SCARA3: variants seen among roughly 807,000 people sequenced by gnomAD.
The protein encoded by SCARA3 is scavenger receptor class A member 3.
SCARA3 carries 39 observed loss-of-function variants against 47.0 expected under a neutral mutation model. The observed-to-expected ratio is 0.83, with a 90% CI of 0.64 to 1.08. The LOEUF (loss-of-function observed/expected upper bound fraction) is 1.08. Among genes scored for constraint, SCARA3 ranks in the 50% least tolerant of loss-of-function variants. The pLI, the probability that SCARA3 is intolerant of heterozygous loss-of-function variation, is 0.00. For missense variants in SCARA3, 724 were observed against 792.3 expected, an observed-to-expected ratio of 0.91 and a Z score of 1.04; for synonymous variants, 356 against 334.1, an observed-to-expected ratio of 1.07 and a Z score of -0.71.
At chr8:27,656,113 CTCA>C (rs1365458126) in intron 3 of SCARA3, among the ~76,000 whole-genome samples, 1 of 152,178 alleles carries the variant, frequency 6.6e-6, no homozygotes, top group Non-Finnish European at 1.5e-5. Context: ...ATGGTGTCAT[CTCA>C]TGTCAGCACA....
chr8:27,649,831 G>T, intron 2 of SCARA3, 31 bp downstream of exon 2: 1 of 1,563,422 alleles, frequency 6.4e-7, no homozygotes, highest in South Asian at 1.1e-5. Flanking sequence ...CCTGATCTCC[G>T]CTCTGGGCTG....
chr8:27,705,981 C>A, the SCARA3 span, among the ~76,000 whole-genome samples: 1 of 152,028 alleles, frequency 6.6e-6, no homozygotes, highest in Non-Finnish European at 1.5e-5. Context: ...ACAATGTGTG[C>A]ACAGAGCTGG....
chr8:27,712,526 G>C, the SCARA3 span, among the ~76,000 whole-genome samples: 3 of 133,446 alleles, frequency 2.2e-5, no homozygotes, highest in Admixed American at 8.7e-5. Context: ...TCCCGCCACT[G>C]CACTCCAGCC....
Position 27,671,576 on chromosome 8 carries a change from A to G in SCARA3, c.*225A>G, listed in dbSNP as rs1802159160. The G allele has an allele frequency of 4.0e-6, 5 of 1,261,076 alleles. No homozygotes were observed. The highest frequency in any genetic ancestry group is 3.1e-5 in the African/African-American group (2 of 64,578). 78.1% of individuals were successfully genotyped at this position (1,261,076 alleles called of 1,614,324 possible). A position where few individuals can be genotyped will look rare whatever the true frequency, so the allele number is the denominator to read the frequency against. ...CACATGCACACACATGCATGCACAC[A>G]CATGCACACATACACGCACATGCAC... On this transcript the variant is annotated 3_prime_UTR_variant, in exon 6 of 6. Transcript: ENST00000301904.
chr8:27,694,288 C>T, the SCARA3 span, among the ~76,000 whole-genome samples: 1 of 152,130 alleles, frequency 6.6e-6, no homozygotes, highest in African/African-American at 2.4e-5. Flanking sequence ...CTCAGAGTCA[C>T]TGCTTAGCAA....
chr8:27,662,290 C>T (rs541252145), intron 5 of SCARA3, among the ~76,000 whole-genome samples: 1 of 152,336 alleles, frequency 6.6e-6, no homozygotes, highest in East Asian at 1.9e-4. Context: ...CATATACAGC[C>T]TCCTGGAGAA....
the SCARA3 span, among the ~76,000 whole-genome samples, chr8:27,695,549 T>C: frequency 6.6e-6 from 1 of 151,750 alleles, no homozygotes; most frequent in Non-Finnish European, 1.5e-5. Context: ...TCAAGAAAAA[T>C]TTAGGCAATA....
chr8:27,656,786 C>T lies in SCARA3; in HGVS notation c.231C>T (p.Phe77=). The T allele has an allele frequency of 2.5e-6, 4 of 1,604,240 alleles. No homozygotes were observed. Among genetic ancestry groups the T allele is most frequent in the Non-Finnish European group, 2.6e-6 (3 of 1,170,984 alleles). The change falls in exon 4 of 6, where the codon TTC becomes TTT. Residue 77 remains phenylalanine (F), a synonymous_variant. Transcript: ENST00000301904. The stretch of plus-strand genomic sequence containing the variant: ...TCTCATCTGTTTTCCCTACAGTTTT[C>T]AGAAAAGTGGACTCTCTCTCCGAAG... ...VAVAVLASLV[F]RKVDSLSEDI... is the part of the protein sequence containing the mutation.
the SCARA3 span, among the ~76,000 whole-genome samples, chr8:27,698,982 C>T: frequency 2.0e-5 from 3 of 152,024 alleles, no homozygotes; most frequent in Non-Finnish European, 2.9e-5. Flanking sequence ...CAGTGGCTCA[C>T]GCCTGTAATC....
chr8:27,659,015 C>T lies in SCARA3; in HGVS notation c.845C>T (p.Thr282Ile). Reference protein sequence around the residue: ...TGEAVKNIQATLGASSQRISQ... With the variant: ...TGEAVKNIQAILGASSQRISQ... ...GAGGCGGTCAAGAACATCCAGGCCA[C>T]CCTGGGGGCCTCCTCACAGCGCATC... The change falls in exon 5 of 6, where the codon ACC (threonine) becomes ATC (isoleucine). Residue 282 changes from threonine to isoleucine, a missense_variant. Thr to Ile is a moderately conservative substitution (Grantham distance 89). Transcript: ENST00000301904. 5 of 1,614,094 alleles carry T rather than the reference C, an allele frequency of 3.1e-6. No individual in the cohort carries two copies. Among genetic ancestry groups the T allele is most frequent in the Non-Finnish European group, 4.2e-6 (5 of 1,180,014 alleles).
chr8:27,649,814 G>A lies in SCARA3; in HGVS notation c.106+14G>A. On this transcript the variant is annotated intron_variant, in intron 2 of 5. Transcript: ENST00000301904. ...GCACCCAGAAGGGTAAGGACTCTGG[G>A]GCTGCCCCTGATCTCCGCTCTGGGC... 1 of 1,607,078 alleles carries A rather than the reference G, an allele frequency of 6.2e-7. No individual in the cohort carries two copies. The highest frequency in any genetic ancestry group is 1.1e-5 in the South Asian group (1 of 90,462).
intron 1 of SCARA3, among the ~76,000 whole-genome samples, chr8:27,643,099 C>T (rs1452241707): frequency 2.6e-5 from 4 of 152,174 alleles, no homozygotes; most frequent in Non-Finnish European, 4.4e-5. Context: ...CTTTAGCGGG[C>T]AAGGCCAGGA....
the SCARA3 span, among the ~76,000 whole-genome samples, chr8:27,724,582 C>T: frequency 3.9e-5 from 6 of 152,232 alleles, no homozygotes; most frequent in South Asian, 2.1e-4. Context: ...CGTTTGAACC[C>T]GGGAGGCAGA....
downstream of SCARA3, among the ~76,000 whole-genome samples, chr8:27,681,593 G>A (rs1802356953): frequency 6.6e-6 from 1 of 152,084 alleles, no homozygotes; most frequent in Admixed American, 6.6e-5. Flanking sequence ...GTGGTGGCAT[G>A]CACCTGTAGC....
chr8:27,684,675 A>G, the SCARA3 span, among the ~76,000 whole-genome samples: 1 of 151,758 alleles, frequency 6.6e-6, no homozygotes, highest in African/African-American at 2.4e-5. Context: ...AAAAAAAAAA[A>G]AAAGGAAAAG....
chr8:27,660,428 T>C (rs1054914007), intron 5 of SCARA3, among the ~76,000 whole-genome samples: 2 of 151,814 alleles, frequency 1.3e-5, no homozygotes, highest in East Asian at 1.9e-4. Context: ...GATTGATTGA[T>C]TGATTGATCC....
chr8:27,656,930 A>T (rs944048169), intron 4 of SCARA3, 50 bp downstream of exon 4: 5 of 1,222,220 alleles, frequency 4.1e-6, no homozygotes, highest in Non-Finnish European at 6.1e-6. Context: ...AGGGTGGGGC[A>T]GGGGTGCCCT....
At position 27,649,562 on chromosome 8, in the gene SCARA3, A is replaced by G. The variant is rs545567958; in HGVS notation, c.8-140A>G. The G allele has an allele frequency of 1.2e-5, 9 of 754,238 alleles. No homozygotes were observed. In the South Asian group the frequency reaches 1.4e-4, roughly 12 times the overall value. The allele number at this position is 754,238 out of a possible 1,614,324, so 46.7% of individuals were successfully genotyped here. On this transcript the variant is annotated intron_variant, in intron 1 of 5. Transcript: ENST00000301904. The stretch of plus-strand genomic sequence containing the variant: ...ATTCTTATGTCCGCTCCCTTTTTGC[A>G]GCTTACATCAGGCCACCTGGAGCTC...
downstream of SCARA3, among the ~76,000 whole-genome samples, chr8:27,674,861 T>A (rs1802240446): frequency 6.6e-6 from 1 of 151,740 alleles, no homozygotes; most frequent in Admixed American, 6.6e-5. Flanking sequence ...CCCGAGTAGC[T>A]GGGACTACAG....
Sources: allele counts gnomAD v4.1 joint callset (sites outside exome capture counted in the v4.1 genomes callset), GRCh38; gene constraint gnomAD v4.1.1; transcripts MANE v1.5; gene names NCBI Gene and HGNC (gene_info 2026-07-23, HGNC 2026-07-21).